The following CCDC146 variants were observed in gnomAD, a reference collection of about 807,000 sequenced individuals.
The protein encoded by CCDC146 is coiled-coil domain-containing protein 146.
Under a neutral mutation model 119.3 loss-of-function variants are expected in CCDC146, and 92 were observed. The observed-to-expected ratio is 0.77, with a 90% CI of 0.65 to 0.92. CCDC146 has a LOEUF of 0.92. Among genes scored for constraint, CCDC146 ranks in the 40% least tolerant of loss-of-function variants. CCDC146 has a pLI of 0.00. For synonymous variants in CCDC146, 372 were observed against 371.8 expected, an observed-to-expected ratio of 1.00 and a Z score of -0.01; for missense variants, 1,000 against 1,103.0, an observed-to-expected ratio of 0.91 and a Z score of 1.32.
chr7:77,214,537 T>A (rs966048955), intron 2 of CCDC146, among the ~76,000 whole-genome samples: 31 of 152,210 alleles, frequency 2.0e-4, no homozygotes, highest in Non-Finnish European at 3.5e-4. Context: ...TGTTTAAAAG[T>A]TTTCTTTTAG....
chr7:77,202,178 C>T lies in CCDC146; in HGVS notation c.156+34354C>T, dbSNP rs546184689. 2.2e-4 allele frequency among the ~76,000 whole-genome samples: 34 copies of T among 152,296 alleles called. 2 individuals carry two copies. The South Asian group carries it at 6.8e-3, about 31-fold the overall frequency. ...TATTCATCATAAATTGACTCTGCAC[C>T]CTCTGCATGCAAAACCGCTATTCTA... On this transcript the variant is annotated intron_variant, in intron 2 of 18. Coordinates refer to ENST00000285871, the MANE Select transcript of CCDC146 (RefSeq NM_020879.3).
chr7:77,276,798 C>T (rs905555429), intron 11 of CCDC146, among the ~76,000 whole-genome samples: 19 of 152,192 alleles, frequency 1.2e-4, no homozygotes, highest in Admixed American at 3.3e-4. Context: ...GGGCCAGGAG[C>T]GGTCTCTCAC....
chr7:77,261,518 C>T (rs779559046), intron 8 of CCDC146, among the ~76,000 whole-genome samples: 5 of 152,032 alleles, frequency 3.3e-5, no homozygotes, highest in African/African-American at 1.2e-4. Context: ...TCGCCCAGGC[C>T]GGACTGCGGA....
intron 4 of CCDC146, among the ~76,000 whole-genome samples, chr7:77,247,560 C>T (rs1345511197): frequency 1.3e-5 from 2 of 152,156 alleles, no homozygotes; most frequent in Non-Finnish European, 2.9e-5. Context: ...TTCAATGTGA[C>T]ACATGTATTA....
intron 2 of CCDC146, among the ~76,000 whole-genome samples, chr7:77,177,288 A>G (rs1791514878): frequency 6.6e-6 from 1 of 152,060 alleles, no homozygotes; most frequent in Non-Finnish European, 1.5e-5. Flanking sequence ...GGAATTAAAT[A>G]TTTTCTATTT....
chr7:77,293,630 G>A (rs1793992841), intron 18 of CCDC146, among the ~76,000 whole-genome samples: 1 of 152,178 alleles, frequency 6.6e-6, no homozygotes, highest in Admixed American at 6.5e-5. Flanking sequence ...TAGGTGCCAT[G>A]CCTTCTGCAG....
rs553320104 is a variant in CCDC146 at position 77,290,445 on chromosome 7, C to A, written c.2416-2507C>A. Among the ~76,000 whole-genome samples the A allele has an allele frequency of 7.2e-5, 11 of 152,014 alleles. No individual in the cohort carries two copies. In the East Asian group the frequency reaches 7.7e-4, roughly 11 times the overall value. On this transcript the variant is annotated intron_variant, in intron 17 of 18. Coordinates refer to ENST00000285871, the MANE Select transcript of CCDC146 (RefSeq NM_020879.3). Reference sequence around the variant, plus strand: ...GTGGTTGAGTGGAAAATGACTCCCCCCAAAGATAAGGAAATTCATTTAAAA... The same window carrying A: ...GTGGTTGAGTGGAAAATGACTCCCCACAAAGATAAGGAAATTCATTTAAAA...
intron 2 of CCDC146, among the ~76,000 whole-genome samples, chr7:77,222,217 T>A (rs1792418427): frequency 6.6e-6 from 1 of 152,074 alleles, no homozygotes; most frequent in South Asian, 2.1e-4. Context: ...CAATTTTGAG[T>A]TCTTGTTCTT....
At chr7:77,285,694 C>T (rs563298850) in intron 15 of CCDC146, among the ~76,000 whole-genome samples, 28 of 152,298 alleles carry the variant, frequency 1.8e-4, no homozygotes, top group African/African-American at 6.7e-4. Flanking sequence ...TCACCATGCT[C>T]CGTATCTCTC....
chr7:77,266,605 C>T (rs1161148278), intron 9 of CCDC146, among the ~76,000 whole-genome samples: 2 of 152,114 alleles, frequency 1.3e-5, no homozygotes, highest in Non-Finnish European at 2.9e-5. Flanking sequence ...GTCAGAATGA[C>T]ACTGTGAATA....
chr7:77,180,518 G>C (rs558378297), intron 2 of CCDC146, among the ~76,000 whole-genome samples: 34 of 152,242 alleles, frequency 2.2e-4, no homozygotes, highest in African/African-American at 7.7e-4. Context: ...GGGAAACAAA[G>C]TGAGACCCCA....
chr7:77,258,700 G>A (rs1404222960), intron 6 of CCDC146, among the ~76,000 whole-genome samples: 1 of 152,170 alleles, frequency 6.6e-6, no homozygotes. Flanking sequence ...CTTACAACGG[G>A]TTTATTGGGA....
At chr7:77,123,569 C>T (rs1019772529) in intron 1 of CCDC146, among the ~76,000 whole-genome samples, 3 of 152,120 alleles carry the variant, frequency 2.0e-5, no homozygotes, top group Middle Eastern at 3.4e-3. Flanking sequence ...GCCCCTACTT[C>T]CTCCTAAAAT....
intron 17 of CCDC146, among the ~76,000 whole-genome samples, chr7:77,288,196 C>T (rs1793882577): frequency 6.6e-6 from 1 of 152,166 alleles, no homozygotes. Flanking sequence ...TAGAAGTCCC[C>T]CTGGACTCCC....
At chr7:77,223,788 A>G (rs1346685184) in intron 2 of CCDC146, among the ~76,000 whole-genome samples, 3 of 152,256 alleles carry the variant, frequency 2.0e-5, no homozygotes, top group Non-Finnish European at 2.9e-5. Flanking sequence ...TGAGGACTCA[A>G]AGATGAATAG....
intron 4 of CCDC146, among the ~76,000 whole-genome samples, chr7:77,248,167 C>T (rs3108417): frequency 0.3 from 45,603 of 152,040 alleles, 8,506 homozygotes; most frequent in Non-Finnish European, 0.42. Context: ...GTGAAAAAAA[C>T]TCACAAACAG....
chr7:77,280,423 T>A lies in CCDC146; in HGVS notation c.1695-6T>A, dbSNP rs1793741556. 5 of 1,601,504 alleles carry A rather than the reference T, an allele frequency of 3.1e-6. No homozygotes were observed. The Middle Eastern group carries it at 5.0e-4, about 161-fold the overall frequency. On this transcript the variant is annotated splice_polypyrimidine_tract_variant and splice_region_variant and intron_variant, in intron 13 of 18. Transcript: ENST00000285871. ...AATCTTACCCATTGTCTTATTACTT[T>A]AAAAGAAAGCTACAAAATTCCATGC...
chr7:77,241,039 G>C (rs1792836186), intron 3 of CCDC146, among the ~76,000 whole-genome samples: 1 of 65,384 alleles, frequency 1.5e-5, no homozygotes. Context: ...GTCTCACTCT[G>C]TCGCCCAGGC....
At chr7:77,220,097 G>C (rs962962702) in intron 2 of CCDC146, among the ~76,000 whole-genome samples, 1 of 152,164 alleles carries the variant, frequency 6.6e-6, no homozygotes, top group African/African-American at 2.4e-5. Flanking sequence ...AGCAAGCCTG[G>C]GGCGCTGCAG....
Sources: allele counts gnomAD v4.1 joint callset (sites outside exome capture counted in the v4.1 genomes callset), GRCh38; gene constraint gnomAD v4.1.1; transcripts MANE v1.5; gene names NCBI Gene and HGNC (gene_info 2026-07-23, HGNC 2026-07-21).